Variants in PTPRS observed in about 807,000 individuals in gnomAD.
The protein encoded by PTPRS is receptor-type tyrosine-protein phosphatase S.
PTPRS carries 63 observed loss-of-function variants against 215.3 expected under a neutral mutation model. That is an observed-to-expected ratio of 0.29 (90% CI 0.24 to 0.36). The LOEUF is 0.36. Ranked by LOEUF, PTPRS falls within the 10% of genes least tolerant of loss-of-function variation. PTPRS has a pLI of 1.00. For missense variants in PTPRS, 2,258 were observed against 2,825.8 expected, an observed-to-expected ratio of 0.80 and a Z score of 4.56; for synonymous variants, 1,404 against 1,191.4, an observed-to-expected ratio of 1.18 and a Z score of -3.68.
chr19:5,249,036 C>T (rs554804041), intron 9 of PTPRS, among the ~76,000 whole-genome samples: 2 of 152,316 alleles, frequency 1.3e-5, no homozygotes, highest in East Asian at 1.9e-4. Context: ...TGGAGGCAGG[C>T]GCAGTGGCTC....
At position 5,219,481 on chromosome 19, in the gene PTPRS, A is replaced by AG. The variant is rs757092180; in HGVS notation, c.3766-15dup. ...GGCTGCAAAGGTCTGCAGGGAAAGG[A>AG]GGGGGGTCTCCATCAGTGTCCACCC... On this transcript the variant is annotated splice_polypyrimidine_tract_variant and intron_variant, in intron 22 of 37. Transcript: ENST00000262963. 1.4e-5 allele frequency: 21 copies of AG among 1,553,864 alleles called. No homozygotes were observed. In the African/African-American group the frequency reaches 1.8e-4, roughly 13 times the overall value.
intron 1 of PTPRS, among the ~76,000 whole-genome samples, chr19:5,320,133 G>A (rs983458648): frequency 2.0e-5 from 3 of 152,178 alleles, no homozygotes; most frequent in Non-Finnish European, 2.9e-5. Flanking sequence ...AAGCCTCCAC[G>A]CCTACTCCAG....
Position 5,293,658 on chromosome 19 carries a change from GC to G in PTPRS, c.-94-7425del, listed in dbSNP as rs1438193849. On this transcript the variant is annotated intron_variant, in intron 1 of 37. Transcript: ENST00000262963. This position sits in a 1 kb window ranked among gnomAD's most constrained non-coding sequence, Gnocchi z 8.4. ...CCAACTACAGGAGGTCGGAGAAGGGGCAGAGTTCCCCTCCCAGTCTGGGTGG... is the reference window on the plus strand; with the variant it reads ...CCAACTACAGGAGGTCGGAGAAGGGGAGAGTTCCCCTCCCAGTCTGGGTGG... Among the ~76,000 whole-genome samples the G allele has an allele frequency of 6.6e-6, 1 of 152,042 alleles. No homozygotes were observed.
intron 1 of PTPRS, among the ~76,000 whole-genome samples, chr19:5,286,686 T>A (rs1457079831): frequency 2.0e-5 from 3 of 152,124 alleles, no homozygotes; most frequent in Non-Finnish European, 1.5e-5. Flanking sequence ...CCTCTAGAAC[T>A]GTGAGGTACC....
chr19:5,235,752 C>A (rs190777448), intron 13 of PTPRS, among the ~76,000 whole-genome samples: 4 of 152,016 alleles, frequency 2.6e-5, no homozygotes, highest in Admixed American at 2.0e-4. Context: ...AAAACAGTGG[C>A]TGTATTAATG....
At position 5,206,737 on chromosome 19, in the gene PTPRS, G is replaced by A. The variant is rs373371571; in HGVS notation, c.*37C>T. 2.2e-4 allele frequency: 351 copies of A among 1,592,986 alleles called. 2 individuals carry two copies. The highest frequency in any genetic ancestry group is 1.0e-3 in the Middle Eastern group (6 of 6,006). On this transcript the variant is annotated 3_prime_UTR_variant, in exon 38 of 38. Transcript: ENST00000262963. The stretch of plus-strand genomic sequence containing the variant: ...CCGCCCGGGAGGGGCAGAGGCATCC[G>A]GGGCCAGTGGTGTCGGGCCTGGGGG...
At chr19:5,231,717 A>T (rs2043033282) in intron 13 of PTPRS, 102 bp from the exon 14 acceptor site, 1 of 475,812 alleles carries the variant, frequency 2.1e-6, no homozygotes, top group Non-Finnish European at 3.9e-6. Flanking sequence ...ATAAAAAAGA[A>T]GATGATAACA....
In PTPRS at chr19:5,237,839, G is replaced by A. The variant is rs533858743; in HGVS notation, c.1849+1080C>T. On this transcript the variant is annotated intron_variant, in intron 13 of 37. Coordinates refer to ENST00000262963, the MANE Select transcript of PTPRS (RefSeq NM_002850.4). The surrounding 1 kb of genome is among the most constrained non-coding windows in gnomAD (Gnocchi z 4.2). ...TGGTTTGTGGGGAGCAGGAAGGAGG[G>A]AAGGGGGCCGGCGGGGGCAGGGGGG... Among the ~76,000 whole-genome samples, 19 of 152,260 alleles carry A rather than the reference G, an allele frequency of 1.2e-4. 3 individuals carry two copies. Among genetic ancestry groups the A allele is most frequent in the Admixed American group, 4.6e-4 (7 of 15,306 alleles).
chr19:5,287,908 A>G lies in PTPRS; in HGVS notation c.-94-1674T>C, dbSNP rs1329739616. Among the ~76,000 whole-genome samples the G allele has an allele frequency of 4.0e-5, 6 of 151,450 alleles. No individual in the cohort carries two copies. Among genetic ancestry groups the G allele is most frequent in the African/African-American group, 9.7e-5 (4 of 41,206 alleles). ...ACACAGTCAGACTGCAAGCGGTTGC[A>G]TATCTGCAAGAGACACAGAAACAAA... On this transcript the variant is annotated intron_variant, in intron 1 of 37. Transcript: ENST00000262963. The surrounding 1 kb of genome is among the most constrained non-coding windows in gnomAD (Gnocchi z 4.8).
At chr19:5,305,719 A>AC (rs2049459763) in intron 1 of PTPRS, among the ~76,000 whole-genome samples, 1 of 146,376 alleles carries the variant, frequency 6.8e-6, no homozygotes, top group Non-Finnish European at 1.5e-5. Context: ...ACAGAGGGAG[A>AC]CCCCGTCTCT....
chr19:5,227,703 C>A (rs1278160672), intron 16 of PTPRS, among the ~76,000 whole-genome samples: 3 of 152,172 alleles, frequency 2.0e-5, no homozygotes, highest in African/African-American at 7.2e-5. Context: ...AGCCACCATG[C>A]CCTGCCGATG....
intron 28 of PTPRS, 110 bp downstream of exon 28, chr19:5,215,179 A>G: frequency 6.9e-7 from 1 of 1,445,884 alleles, no homozygotes; most frequent in Non-Finnish European, 9.5e-7. Context: ...TTGGAGCTGG[A>G]CCAGGTCTAT....
intron 13 of PTPRS, among the ~76,000 whole-genome samples, chr19:5,233,946 CAAAAAAAAAAAAAAAAA>C (rs57529862): frequency 3.6e-5 from 1 of 27,760 alleles, no homozygotes; most frequent in African/African-American, 1.4e-4. Flanking sequence ...ACTCCATCTC[CAAAAAAAAAAAAAAAAA>C]AAAAAAAAAA....
chr19:5,244,252 A>G lies in PTPRS; in HGVS notation c.1219T>C (p.Ser407Pro), dbSNP rs1236330494. The change falls in exon 11 of 38, where the codon TCC (serine) becomes CCC (proline). Residue 407 changes from serine (S) to proline (P), a missense_variant. Coordinates refer to ENST00000262963, the MANE Select transcript of PTPRS (RefSeq NM_002850.4). The surrounding 1 kb of genome is among the most constrained non-coding windows in gnomAD (Gnocchi z 7.2). The stretch of plus-strand genomic sequence containing the variant: ...TCGCTGGGGGGCCCCTGGCCGATGG[A>G]GTTGACGGCCGACACCCAGATCTCG... The part of the protein sequence containing the change: ...EYEIWVSAVN[S>P]IGQGPPSESV... The G allele has an allele frequency of 6.2e-7, 1 of 1,613,716 alleles. No homozygotes were observed. The highest frequency in any genetic ancestry group is 8.5e-7 in the Non-Finnish European group (1 of 1,179,698).
At chr19:5,281,067 C>T (rs1310078063) in intron 2 of PTPRS, among the ~76,000 whole-genome samples, 2 of 150,934 alleles carry the variant, frequency 1.3e-5, no homozygotes, top group African/African-American at 4.9e-5. Flanking sequence ...GCTGGGATTA[C>T]AGGTATGAGG....
At position 5,210,910 on chromosome 19, in the gene PTPRS, C is replaced by T; in HGVS notation, c.5235-105G>A. 1 of 1,438,112 alleles carries T rather than the reference C, an allele frequency of 7.0e-7. No homozygotes were observed. Among genetic ancestry groups the T allele is most frequent in the African/African-American group, 1.4e-5 (1 of 71,084 alleles). 89.1% of individuals were successfully genotyped at this position (1,438,112 alleles called of 1,614,324 possible). ...AGGACCAAGCCAGTGACAGCTACAC[C>T]TACCACCCCACTGCCTGCCAGGAAT... is the stretch of plus-strand genomic sequence containing the variant. On this transcript the variant is annotated intron_variant, in intron 33 of 37. Coordinates refer to ENST00000262963, the MANE Select transcript of PTPRS (RefSeq NM_002850.4). The surrounding 1 kb of genome is among the most constrained non-coding windows in gnomAD (Gnocchi z 4.5).
Position 5,257,958 on chromosome 19 carries a change from A to G in PTPRS, c.706+59T>C. ...GAGCCCGGAGGCGGTGAGCCCGAGG[A>G]GGGAGGGGGATGGGACGGGGCGGGT... On this transcript the variant is annotated intron_variant, in intron 8 of 37. Transcript: ENST00000262963. The surrounding 1 kb of genome is among the most constrained non-coding windows in gnomAD (Gnocchi z 4.4). 5 of 1,370,258 alleles carry G rather than the reference A, an allele frequency of 3.6e-6. No individual in the cohort carries two copies. The highest frequency in any genetic ancestry group is 4.0e-6 in the Non-Finnish European group (4 of 997,608). 84.9% of individuals were successfully genotyped at this position (1,370,258 alleles called of 1,614,324 possible).
chr19:5,331,240 C>A (rs2147279676), intron 1 of PTPRS, among the ~76,000 whole-genome samples: 1 of 152,048 alleles, frequency 6.6e-6, no homozygotes, highest in African/African-American at 2.4e-5. Context: ...AAGCAATCCT[C>A]CCACCTCAGC....
intron 2 of PTPRS, among the ~76,000 whole-genome samples, chr19:5,276,704 C>A (rs1360811617): frequency 6.6e-6 from 1 of 151,652 alleles, no homozygotes; most frequent in African/African-American, 2.4e-5. Flanking sequence ...CCATGCCCAG[C>A]TAATTTTTTT....
Sources: gnomAD v4.1 joint callset for allele counts (sites outside exome capture counted in the v4.1 genomes callset) on GRCh38, gnomAD v4.1.1 for gene constraint, Gnocchi (gnomAD v3.1) non-coding constraint, MANE v1.5 for transcripts, NCBI Gene and HGNC (gene_info 2026-07-23, HGNC 2026-07-21) for gene names.